ANKS1B: variants seen among roughly 807,000 people sequenced by gnomAD.
ANKS1B encodes ankyrin repeat and sterile alpha motif domain-containing protein 1B.
Under a neutral mutation model 148.3 loss-of-function variants are expected in ANKS1B, and 36 were observed. That is an observed-to-expected ratio of 0.24 (90% confidence interval 0.19 to 0.32). The LOEUF (loss-of-function observed/expected upper bound fraction) is 0.32. ANKS1B is among the 10% of genes least tolerant of loss of function. The pLI is 1.00. For missense variants in ANKS1B, 1,157 were observed against 1,542.6 expected (o/e 0.75, Z 4.19); for synonymous variants, 542 against 560.8 (o/e 0.97, Z 0.47).
Position 98,889,334 on chromosome 12 carries a change from C to T in ANKS1B, c.2779-57198G>A, listed in dbSNP as rs180716231. Among the ~76,000 whole-genome samples, 6 of 151,210 alleles carry T rather than the reference C, an allele frequency of 4.0e-5. No homozygotes were observed. The East Asian group carries it at 8.0e-4, about 20-fold the overall frequency. On this transcript the variant is annotated intron_variant, in intron 17 of 26. Coordinates refer to ENST00000683438, the MANE Select transcript of ANKS1B (RefSeq NM_001352186.2). ...ACTTTTGTGAATATTCTGAAGGGAACGTCAGAACCTTTTTTATTTTTTTTT... is the reference window on the plus strand; with the variant it reads ...ACTTTTGTGAATATTCTGAAGGGAATGTCAGAACCTTTTTTATTTTTTTTT...
intron 9 of ANKS1B, among the ~76,000 whole-genome samples, chr12:99,647,443 T>A (rs1254458966): frequency 6.6e-6 from 1 of 152,240 alleles, no homozygotes; most frequent in Non-Finnish European, 1.5e-5. Context: ...AATAAATGTC[T>A]ACAACTAGAG....
intron 15 of ANKS1B, among the ~76,000 whole-genome samples, chr12:99,141,694 C>T (rs1316111844): frequency 6.6e-6 from 1 of 151,520 alleles, no homozygotes; most frequent in African/African-American, 2.4e-5. Flanking sequence ...GTTTTCTGTT[C>T]CTGTGTTAGT....
At chr12:98,939,211 G>A (rs1296865096) in intron 17 of ANKS1B, among the ~76,000 whole-genome samples, 1 of 152,180 alleles carries the variant, frequency 6.6e-6, no homozygotes, top group African/African-American at 2.4e-5. Context: ...TGCGTATGTT[G>A]TCAACATTGG....
chr12:98,798,526 A>G (rs2153581129), intron 22 of ANKS1B, among the ~76,000 whole-genome samples: 1 of 152,260 alleles, frequency 6.6e-6, no homozygotes, highest in Non-Finnish European at 1.5e-5. Flanking sequence ...TTGCATAAAG[A>G]ATATTAGCTT....
intron 17 of ANKS1B, among the ~76,000 whole-genome samples, chr12:98,896,197 C>T (rs1172124063): frequency 6.6e-6 from 1 of 152,190 alleles, no homozygotes. Flanking sequence ...AATAATCAAC[C>T]CTGTTGTTCA....
At chr12:98,884,902 C>T (rs1301257630) in intron 17 of ANKS1B, among the ~76,000 whole-genome samples, 2 of 151,660 alleles carry the variant, frequency 1.3e-5, no homozygotes, top group East Asian at 1.9e-4. Context: ...GACTAGTAGA[C>T]CCAATGATCT....
At chr12:99,775,078 A>C (rs952503328) in intron 7 of ANKS1B, among the ~76,000 whole-genome samples, 1 of 152,134 alleles carries the variant, frequency 6.6e-6, no homozygotes, top group Non-Finnish European at 1.5e-5. Flanking sequence ...TTTAAAATAC[A>C]GCATGGTGAC....
intron 17 of ANKS1B, among the ~76,000 whole-genome samples, chr12:98,874,300 AG>A (rs1567402871): frequency 6.6e-6 from 1 of 152,034 alleles, no homozygotes; most frequent in African/African-American, 2.4e-5. Flanking sequence ...AGCTTTATGA[AG>A]GGAAAAAAAA....
intron 16 of ANKS1B, among the ~76,000 whole-genome samples, chr12:99,058,984 G>T (rs554919383): frequency 6.7e-6 from 1 of 149,918 alleles, no homozygotes; most frequent in Non-Finnish European, 1.5e-5. Flanking sequence ...TGATCCGCCC[G>T]CCTCGGCCTC....
intron 9 of ANKS1B, among the ~76,000 whole-genome samples, chr12:99,647,289 G>C (rs1453349240): frequency 4.6e-5 from 7 of 152,104 alleles, no homozygotes; most frequent in Non-Finnish European, 8.8e-5. Flanking sequence ...GCTGCAGACT[G>C]TCCCGTCACA....
At chr12:98,768,414 T>C (rs1226137741) in intron 25 of ANKS1B, among the ~76,000 whole-genome samples, 1 of 61,458 alleles carries the variant, frequency 1.6e-5, no homozygotes, top group African/African-American at 6.5e-5. Context: ...GCCACCCCTG[T>C]GGGGTGCTCT....
intron 17 of ANKS1B, among the ~76,000 whole-genome samples, chr12:98,931,069 A>G (rs1307523285): frequency 6.6e-6 from 1 of 152,066 alleles, no homozygotes; most frequent in Non-Finnish European, 1.5e-5. Flanking sequence ...AGGCACGAGG[A>G]GCAATAGCCT....
intron 1 of ANKS1B, among the ~76,000 whole-genome samples, chr12:99,950,435 A>T (rs2095188282): frequency 6.6e-6 from 1 of 151,700 alleles, no homozygotes; most frequent in Non-Finnish European, 1.5e-5. Context: ...CCCACCACAC[A>T]TACTTTCCTT....
At chr12:99,566,732 C>A (rs2097398369) in intron 9 of ANKS1B, among the ~76,000 whole-genome samples, 2 of 152,142 alleles carry the variant, frequency 1.3e-5, no homozygotes, top group South Asian at 4.1e-4. Context: ...TGGAATGAGC[C>A]TCACTAGATG....
intron 17 of ANKS1B, among the ~76,000 whole-genome samples, chr12:98,853,565 T>C (rs1002826521): frequency 1.3e-5 from 2 of 152,196 alleles, no homozygotes; most frequent in African/African-American, 2.4e-5. Flanking sequence ...CTTTGCTCTT[T>C]AAATGGCTGG....
chr12:99,475,762 AATTAC>A (rs1456879471), intron 10 of ANKS1B, among the ~76,000 whole-genome samples: 21 of 151,946 alleles, frequency 1.4e-4, no homozygotes, highest in Non-Finnish European at 2.9e-4. Flanking sequence ...CAGCTACTGT[AATTAC>A]ATTAATCAGT....
Position 98,895,049 on chromosome 12 carries a change from G to A in ANKS1B, c.2779-62913C>T, listed in dbSNP as rs897558638. On this transcript the variant is annotated intron_variant, in intron 17 of 26. Coordinates refer to ENST00000683438, the MANE Select transcript of ANKS1B (RefSeq NM_001352186.2). ...CGCCGTCTCCAGGGCTGCTGGCTGC[G>A]CTCTCCATTGTTCCGCGGCTGCTGC... The A allele has an allele frequency of 1.9e-5, 17 of 916,856 alleles. No homozygotes were observed. In the African/African-American group the frequency reaches 2.9e-4, roughly 16 times the overall value. 56.8% of individuals were successfully genotyped at this position (916,856 alleles called of 1,614,324 possible). A position where few individuals can be genotyped will look rare whatever the true frequency, so the allele number is the denominator to read the frequency against.
chr12:99,339,356 A>G (rs1422958584), intron 12 of ANKS1B, among the ~76,000 whole-genome samples: 2 of 152,150 alleles, frequency 1.3e-5, no homozygotes, highest in Non-Finnish European at 2.9e-5. Flanking sequence ...TTCCTCTCCC[A>G]AACACACAAA....
intron 14 of ANKS1B, among the ~76,000 whole-genome samples, chr12:99,206,988 T>A (rs1314887470): frequency 6.6e-6 from 1 of 152,198 alleles, no homozygotes; most frequent in Non-Finnish European, 1.5e-5. Context: ...TTGTCTAGGG[T>A]GAATGGACTC....
Sources: gnomAD v4.1 joint callset for allele counts (sites outside exome capture counted in the v4.1 genomes callset) on GRCh38, gnomAD v4.1.1 for gene constraint, MANE v1.5 for transcripts, NCBI Gene and HGNC (gene_info 2026-07-23, HGNC 2026-07-21) for gene names.